The following CDK14 variants were observed in gnomAD, a reference collection of about 807,000 sequenced individuals.
CDK14 encodes cyclin dependent kinase 14, also known as cyclin-dependent kinase 14.
In CDK14, 34 loss-of-function variants were observed where a neutral mutation model predicts 60.7. The ratio of observed to expected loss-of-function variants is 0.56; its 90% CI spans 0.43 to 0.75. CDK14 has a LOEUF of 0.75. CDK14 is among the 30% of genes least tolerant of loss of function. The pLI is 0.00. For synonymous variants in CDK14, 197 were observed against 203.7 expected (o/e 0.97, Z 0.28); for missense variants, 482 against 564.1 (o/e 0.85, Z 1.47).
chr7:90,960,097 A>G (rs930325973), intron 9 of CDK14, among the ~76,000 whole-genome samples: 1 of 152,142 alleles, frequency 6.6e-6, no homozygotes, highest in African/African-American at 2.4e-5. Flanking sequence ...CCTTGCTAGG[A>G]AGCTCTGCTC....
chr7:90,724,885 G>A (rs2116702978), intron 2 of CDK14, among the ~76,000 whole-genome samples: 1 of 152,108 alleles, frequency 6.6e-6, no homozygotes, highest in East Asian at 1.9e-4. Flanking sequence ...CTTAAGAAGA[G>A]CACAAAAACC....
intron 7 of CDK14, among the ~76,000 whole-genome samples, chr7:90,900,788 A>G (rs1163291896): frequency 6.6e-6 from 1 of 152,136 alleles, no homozygotes; most frequent in Non-Finnish European, 1.5e-5. Context: ...TAACTGATTG[A>G]ATCTTTCCCA....
At chr7:90,648,210 A>G (rs1800512884) in intron 2 of CDK14, among the ~76,000 whole-genome samples, 1 of 151,942 alleles carries the variant, frequency 6.6e-6, no homozygotes, top group Non-Finnish European at 1.5e-5. Context: ...TGAAGACTTG[A>G]CTGGGCCATG....
At position 91,124,216 on chromosome 7, in the gene CDK14, A is replaced by G. The variant is rs139797286; in HGVS notation, c.*28+6008A>G. Among the ~76,000 whole-genome samples, 4 of 152,134 alleles carry G rather than the reference A, an allele frequency of 2.6e-5. No individual in the cohort carries two copies. In the East Asian group the frequency reaches 7.7e-4, roughly 29 times the overall value. On this transcript the variant is annotated intron_variant, in intron 14 of 14. Transcript: ENST00000380050. ...AAGCATTTTTTTTTATATTGACATAATTTCATGTCTACAGAAAAGATGCAA... is the reference window on the plus strand; with the variant it reads ...AAGCATTTTTTTTTATATTGACATAGTTTCATGTCTACAGAAAAGATGCAA...
intron 14 of CDK14, among the ~76,000 whole-genome samples, chr7:91,149,263 C>T (rs1437453324): frequency 2.0e-5 from 3 of 151,750 alleles, no homozygotes; most frequent in Non-Finnish European, 4.4e-5. Context: ...CCGAACGTGC[C>T]ATTCACTTTG....
At position 90,888,420 on chromosome 7, in the gene CDK14, G is replaced by T. The variant is rs553544886; in HGVS notation, c.640-10871G>T. Among the ~76,000 whole-genome samples, 7 of 152,170 alleles carry T rather than the reference G, an allele frequency of 4.6e-5. No individual in the cohort carries two copies. In the East Asian group the frequency reaches 1.4e-3, roughly 29 times the overall value. ...AATACGGTTCAGTTTTCTGAGTCAC[G>T]CATTTAGTACCTTTTAGAACCTAGA... On this transcript the variant is annotated intron_variant, in intron 6 of 14. Transcript: ENST00000380050.
At chr7:90,796,052 A>G (rs1421042841) in intron 5 of CDK14, among the ~76,000 whole-genome samples, 1 of 152,166 alleles carries the variant, frequency 6.6e-6, no homozygotes. Flanking sequence ...GGGGAATGCA[A>G]TGAATCCTTA....
chr7:90,621,818 A>G (rs1053992247), intron 2 of CDK14, among the ~76,000 whole-genome samples: 8 of 151,990 alleles, frequency 5.3e-5, no homozygotes, highest in African/African-American at 9.7e-5. Flanking sequence ...TATTATTTCT[A>G]TTTTTACAGA....
chr7:90,596,494 G>A lies in CDK14; in HGVS notation c.-134G>A. 1.5e-6 allele frequency: 1 copy of A among 682,588 alleles called. No individual in the cohort carries two copies. The highest frequency in any genetic ancestry group is 2.6e-6 in the Non-Finnish European group (1 of 391,144). 42.3% of individuals were successfully genotyped at this position (682,588 alleles called of 1,614,324 possible). Reference sequence around the variant, plus strand: ...GCCTGCTGCTCGCCTCCCTAGACCTGCGCGTCGCTTCCCGGCCCGCCGAGG... The same window carrying A: ...GCCTGCTGCTCGCCTCCCTAGACCTACGCGTCGCTTCCCGGCCCGCCGAGG... On this transcript the variant is annotated 5_prime_UTR_variant, in exon 1 of 15. Coordinates refer to ENST00000380050, the MANE Select transcript of CDK14 (RefSeq NM_001287135.2).
At chr7:90,780,547 G>A (rs1584885120) in intron 4 of CDK14, among the ~76,000 whole-genome samples, 1 of 147,836 alleles carries the variant, frequency 6.8e-6, no homozygotes, top group East Asian at 2.1e-4. Flanking sequence ...TTAGTATTAG[G>A]TATATCTCCT....
At chr7:91,156,242 C>T (rs999768091) in intron 14 of CDK14, among the ~76,000 whole-genome samples, 5 of 152,124 alleles carry the variant, frequency 3.3e-5, no homozygotes, top group African/African-American at 9.7e-5. Context: ...TCCCTATAGA[C>T]CTGGTCTACC....
At chr7:90,617,802 GT>G (rs1245010885) in intron 2 of CDK14, among the ~76,000 whole-genome samples, 8 of 151,990 alleles carry the variant, frequency 5.3e-5, no homozygotes, top group Non-Finnish European at 8.8e-5. Flanking sequence ...GTAGTAATTT[GT>G]TTAGTAAAAA....
intron 2 of CDK14, among the ~76,000 whole-genome samples, chr7:90,663,840 C>T (rs1355409403): frequency 6.6e-6 from 1 of 152,128 alleles, no homozygotes; most frequent in Non-Finnish European, 1.5e-5. Flanking sequence ...TTTTCTAATA[C>T]ATTTTCTGTA....
chr7:90,630,624 G>A lies in CDK14; in HGVS notation c.123+26375G>A, dbSNP rs1290408909. Among the ~76,000 whole-genome samples the A allele has an allele frequency of 2.0e-5, 3 of 152,118 alleles. No individual in the cohort carries two copies. The East Asian group carries it at 5.8e-4, about 29-fold the overall frequency. On this transcript the variant is annotated intron_variant, in intron 2 of 14. Transcript: ENST00000380050. ...AAATCCCATCCTTAGTAGCAGTGAT[G>A]TTTGTGGTATTTGAATTATTATGTA...
At chr7:90,991,411 G>A (rs1795529462) in intron 10 of CDK14, among the ~76,000 whole-genome samples, 1 of 152,120 alleles carries the variant, frequency 6.6e-6, no homozygotes, top group Non-Finnish European at 1.5e-5. Flanking sequence ...CATGTTTTGG[G>A]GGATTGGAGG....
chr7:90,790,084 AAAAG>A (rs1198522003), intron 4 of CDK14, among the ~76,000 whole-genome samples: 10 of 141,442 alleles, frequency 7.1e-5, no homozygotes, highest in South Asian at 4.6e-4. Flanking sequence ...AAAAAACAAA[AAAAG>A]GGGAATTTTT....
At chr7:91,045,436 C>T (rs904399312) in intron 10 of CDK14, among the ~76,000 whole-genome samples, 2 of 152,112 alleles carry the variant, frequency 1.3e-5, no homozygotes, top group African/African-American at 4.8e-5. Flanking sequence ...TCTAAGCTGT[C>T]GACCCTGCCT....
At chr7:91,067,786 A>G (rs1238989519) in intron 11 of CDK14, among the ~76,000 whole-genome samples, 1 of 152,234 alleles carries the variant, frequency 6.6e-6, no homozygotes, top group African/African-American at 2.4e-5. Flanking sequence ...TTATATTAGC[A>G]TATCCTGTCA....
At chr7:90,810,778 C>T (rs564478311) in intron 5 of CDK14, among the ~76,000 whole-genome samples, 2 of 151,798 alleles carry the variant, frequency 1.3e-5, no homozygotes, top group African/African-American at 2.4e-5. Flanking sequence ...TCTCAGGATA[C>T]AAAATCAATG....
Sources: gnomAD v4.1 joint callset for allele counts (sites outside exome capture counted in the v4.1 genomes callset) on GRCh38, gnomAD v4.1.1 for gene constraint, MANE v1.5 for transcripts, NCBI Gene and HGNC (gene_info 2026-07-23, HGNC 2026-07-21) for gene names.